The following STPG2 variants were observed in gnomAD, a reference collection of about 807,000 sequenced individuals.
The protein encoded by STPG2 is sperm-tail PG-rich repeat-containing protein 2.
Under a neutral mutation model 54.2 loss-of-function variants are expected in STPG2, and 56 were observed. That is an observed-to-expected ratio of 1.03 (90% CI 0.83 to 1.29). STPG2 has a LOEUF of 1.29. Among genes scored for constraint, STPG2 ranks in the 50% most tolerant of loss-of-function variants. STPG2 has a pLI of 0.00. For synonymous variants in STPG2, 200 were observed against 181.8 expected, an observed-to-expected ratio of 1.10 and a Z score of -0.81; for missense variants, 596 against 544.9, an observed-to-expected ratio of 1.09 and a Z score of -0.93.
At chr4:97,924,746 A>G (rs1326178858) in intron 8 of STPG2, among the ~76,000 whole-genome samples, 2 of 152,196 alleles carry the variant, frequency 1.3e-5, no homozygotes, top group African/African-American at 4.8e-5. Context: ...TGATAATAAT[A>G]CCATATTATA....
chr4:97,939,278 T>C (rs930602296), intron 8 of STPG2, among the ~76,000 whole-genome samples: 3 of 151,474 alleles, frequency 2.0e-5, no homozygotes, highest in Non-Finnish European at 2.9e-5. Flanking sequence ...AAGAGGAGTA[T>C]ATATTCTCTT....
intron 8 of STPG2, among the ~76,000 whole-genome samples, chr4:97,937,858 C>A (rs903039150): frequency 2.0e-5 from 3 of 152,158 alleles, no homozygotes; most frequent in South Asian, 4.1e-4. Context: ...TGCTGCACAA[C>A]TGGGGTGGGC....
intron 9 of STPG2, among the ~76,000 whole-genome samples, chr4:97,805,426 G>A (rs111417811): frequency 0.018 from 2,762 of 152,118 alleles, 75 homozygotes; most frequent in African/African-American, 0.063. Context: ...GGCCAGGCTG[G>A]TCTCAAACTT....
chr4:97,646,253 A>G (rs914005531), intron 10 of STPG2, among the ~76,000 whole-genome samples: 1 of 152,180 alleles, frequency 6.6e-6, no homozygotes, highest in Non-Finnish European at 1.5e-5. Context: ...GCAAGGCTAT[A>G]TGCAGGAAAG....
At chr4:98,041,960 T>G (rs1476724080) in intron 5 of STPG2, among the ~76,000 whole-genome samples, 1 of 152,002 alleles carries the variant, frequency 6.6e-6, no homozygotes, top group Non-Finnish European at 1.5e-5. Flanking sequence ...ATCCATCTGG[T>G]CCTAGGCTTT....
intron 10 of STPG2, among the ~76,000 whole-genome samples, chr4:97,618,019 A>G (rs1302382926): frequency 6.6e-6 from 1 of 152,238 alleles, no homozygotes; most frequent in Non-Finnish European, 1.5e-5. Context: ...GAACTTCAGC[A>G]GAATATATTT....
intron 5 of STPG2, among the ~76,000 whole-genome samples, chr4:98,075,307 C>G (rs1362410764): frequency 1.3e-5 from 2 of 152,196 alleles, no homozygotes; most frequent in Non-Finnish European, 2.9e-5. Context: ...AGCAGCACAG[C>G]ATGTGAGGAT....
chr4:98,062,926 T>C (rs956769891), intron 5 of STPG2, among the ~76,000 whole-genome samples: 34 of 151,938 alleles, frequency 2.2e-4, no homozygotes, highest in Admixed American at 1.2e-3. Flanking sequence ...TTATAAAAAT[T>C]TGTTGTAAAG....
intron 10 of STPG2, among the ~76,000 whole-genome samples, chr4:97,640,018 C>G (rs1553945654): frequency 6.6e-6 from 1 of 151,754 alleles, no homozygotes; most frequent in Non-Finnish European, 1.5e-5. Flanking sequence ...TTATATAGTA[C>G]AAGAGATAAA....
intron 8 of STPG2, among the ~76,000 whole-genome samples, chr4:97,892,261 A>T (rs543757812): frequency 6.6e-6 from 1 of 152,228 alleles, no homozygotes; most frequent in South Asian, 2.1e-4. Flanking sequence ...AAGATGAAAA[A>T]ATGAGGCCAG....
At chr4:97,939,964 C>T (rs993470515) in intron 8 of STPG2, among the ~76,000 whole-genome samples, 6 of 152,270 alleles carry the variant, frequency 3.9e-5, no homozygotes, top group South Asian at 2.1e-4. Context: ...ATACATGGAG[C>T]TTCTTTCAAG....
intron 5 of STPG2, among the ~76,000 whole-genome samples, chr4:98,072,385 A>G (rs1268900414): frequency 6.6e-6 from 1 of 152,096 alleles, no homozygotes; most frequent in Non-Finnish European, 1.5e-5. Flanking sequence ...ATGGCAGGGA[A>G]CAACACACAC....
At chr4:97,738,473 C>T (rs938203257) in intron 9 of STPG2, among the ~76,000 whole-genome samples, 13 of 152,198 alleles carry the variant, frequency 8.5e-5, no homozygotes, top group Middle Eastern at 3.4e-3. Context: ...ACCCATCTCA[C>T]GTGCAGAGAC....
chr4:98,017,498 C>A (rs1028459592), intron 5 of STPG2, among the ~76,000 whole-genome samples: 4 of 152,208 alleles, frequency 2.6e-5, no homozygotes, highest in African/African-American at 9.6e-5. Context: ...CATTTCTCTG[C>A]ACTATCCTGC....
intron 4 of STPG2, among the ~76,000 whole-genome samples, chr4:97,495,807 G>GTAAAATAAAA (rs571117310): frequency 6.7e-6 from 1 of 150,330 alleles, no homozygotes; most frequent in Non-Finnish European, 1.5e-5. Context: ...AAGAAGTTTG[G>GTAAAATAAAA]TAAAATAAAA....
chr4:97,682,729 C>T lies in STPG2; in HGVS notation c.1320+29970G>A, dbSNP rs1221732459. On this transcript the variant is annotated intron_variant, in intron 10 of 10. Transcript: ENST00000295268. ...CCATTATCAGATGGGGAAACAGAGC[C>T]ATATAAACCTTAAGTAACTTGTCTA... Among the ~76,000 whole-genome samples the T allele has an allele frequency of 3.3e-5, 5 of 151,884 alleles. No homozygotes were observed. The South Asian group carries it at 6.2e-4, about 19-fold the overall frequency.
At chr4:97,624,288 C>G (rs1418519159) in intron 10 of STPG2, among the ~76,000 whole-genome samples, 1 of 152,160 alleles carries the variant, frequency 6.6e-6, no homozygotes, top group Non-Finnish European at 1.5e-5. Context: ...TCGCCATAGC[C>G]TTGGCAGTAT....
intron 5 of STPG2, among the ~76,000 whole-genome samples, chr4:98,014,446 C>T (rs1040385351): frequency 1.3e-5 from 2 of 152,058 alleles, no homozygotes; most frequent in South Asian, 2.1e-4. Context: ...GATGACAGAA[C>T]CTGGATACCT....
chr4:97,520,768 C>A (rs1731163881), intron 4 of STPG2, among the ~76,000 whole-genome samples: 1 of 151,876 alleles, frequency 6.6e-6, no homozygotes, highest in Non-Finnish European at 1.5e-5. Flanking sequence ...ACGAGAAACA[C>A]AAATATTGTT....
Sources: gnomAD v4.1 joint callset for allele counts (sites outside exome capture counted in the v4.1 genomes callset) on GRCh38, gnomAD v4.1.1 for gene constraint, MANE v1.5 for transcripts, NCBI Gene and HGNC (gene_info 2026-07-23, HGNC 2026-07-21) for gene names.